The following MED13 variants were observed in gnomAD, a reference collection of about 807,000 sequenced individuals.
MED13 encodes the protein mediator complex subunit 13.
In MED13, 23 loss-of-function variants were observed where a neutral mutation model predicts 225.2. The ratio of observed to expected loss-of-function variants is 0.10; its 90% confidence interval spans 0.07 to 0.14. The LOEUF is 0.14. Among genes scored for constraint, MED13 ranks in the 10% least tolerant of loss-of-function variants. The pLI, the probability that MED13 is intolerant of heterozygous loss-of-function variation, is 1.00. For synonymous variants in MED13, 942 were observed against 889.2 expected, an observed-to-expected ratio of 1.06 and a Z score of -1.06; for missense variants, 2,197 against 2,594.5, an observed-to-expected ratio of 0.85 and a Z score of 3.33.
chr17:61,986,126 G>C (rs573695286), intron 12 of MED13, among the ~76,000 whole-genome samples: 1 of 152,280 alleles, frequency 6.6e-6, no homozygotes, highest in Non-Finnish European at 1.5e-5. Context: ...TGGTAGTAGA[G>C]AGAAAGTATG....
At chr17:61,979,575 T>A (rs1031986347) in intron 16 of MED13, among the ~76,000 whole-genome samples, 7 of 152,124 alleles carry the variant, frequency 4.6e-5, no homozygotes, top group African/African-American at 1.7e-4. Flanking sequence ...TCCCAAATGC[T>A]GGGATTACAG....
intron 9 of MED13, 34 bp from the exon 10 acceptor site, chr17:61,995,399 A>G (rs1437381288): frequency 2.0e-6 from 3 of 1,486,818 alleles, no homozygotes; most frequent in Non-Finnish European, 2.7e-6. Flanking sequence ...TTAATTATCC[A>G]CATAAGCATT....
chr17:61,992,638 C>T lies in MED13; in HGVS notation c.2182-17G>A. 1 of 1,541,838 alleles carries T rather than the reference C, an allele frequency of 6.5e-7. No homozygotes were observed. The highest frequency in any genetic ancestry group is 9.0e-7 in the Non-Finnish European group (1 of 1,116,664). ...ATCTTCTACCTGCAAACAAATATTT[C>T]ATGTTAGGCTGAAATATATAATTTA... On this transcript the variant is annotated splice_polypyrimidine_tract_variant and intron_variant, in intron 10 of 29. Transcript: ENST00000397786.
At chr17:62,064,785 G>A (rs778418468) in intron 1 of MED13, among the ~76,000 whole-genome samples, 4 of 152,196 alleles carry the variant, frequency 2.6e-5, no homozygotes, top group Non-Finnish European at 5.9e-5. Flanking sequence ...ATAATGTAAA[G>A]TGTGAAGCAG....
chr17:62,033,729 ATAAC>A, intron 5 of MED13, 54 bp downstream of exon 5: 2 of 1,512,158 alleles, frequency 1.3e-6, no homozygotes, highest in African/African-American at 1.4e-5. Context: ...TCAGCAAAAT[ATAAC>A]TAACACATAC....
In MED13 at chr17:61,944,289, T is replaced by A. The variant is rs2059012624; in HGVS notation, c.*2179A>T. The A allele has an allele frequency of 6.6e-6, 1 of 152,470 alleles. No individual in the cohort carries two copies. The highest frequency in any genetic ancestry group is 1.5e-5 in the Non-Finnish European group (1 of 67,976). The allele number at this position is 152,470 out of a possible 1,614,324, so 9.4% of individuals were successfully genotyped here. On this transcript the variant is annotated 3_prime_UTR_variant, in exon 30 of 30. Coordinates refer to ENST00000397786, the MANE Select transcript of MED13 (RefSeq NM_005121.3). Reference sequence around the variant, plus strand: ...AACTGAGAATATAACTTTTATTTTGTAAAGTCACTATTAAGTGTATAAAAA... The same window carrying A: ...AACTGAGAATATAACTTTTATTTTGAAAAGTCACTATTAAGTGTATAAAAA...
At chr17:62,024,305 A>C (rs2080678646) in intron 8 of MED13, among the ~76,000 whole-genome samples, 1 of 152,266 alleles carries the variant, frequency 6.6e-6, no homozygotes, top group Admixed American at 6.5e-5. Flanking sequence ...GGCATAAGCC[A>C]CTGCGCCTGG....
chr17:62,021,978 C>A (rs967752900), intron 8 of MED13, among the ~76,000 whole-genome samples: 2 of 151,884 alleles, frequency 1.3e-5, no homozygotes, highest in Admixed American at 6.6e-5. Flanking sequence ...ACCAGCCTGA[C>A]CAACATGGTA....
chr17:61,982,079 G>T, intron 16 of MED13, 119 bp downstream of exon 16: 1 of 928,350 alleles, frequency 1.1e-6, no homozygotes, highest in African/African-American at 1.7e-5. Context: ...TCCATAAAGA[G>T]TTTTAAGTCC....
At chr17:61,956,830 G>A (rs539642543) in intron 23 of MED13, among the ~76,000 whole-genome samples, 55 of 152,202 alleles carry the variant, frequency 3.6e-4, no homozygotes, top group Admixed American at 1.2e-3. Context: ...GAGCCACCGT[G>A]CCATCCCGAC....
At chr17:62,009,740 C>A (rs1409889909) in intron 9 of MED13, among the ~76,000 whole-genome samples, 1 of 152,032 alleles carries the variant, frequency 6.6e-6, no homozygotes, top group Non-Finnish European at 1.5e-5. Flanking sequence ...TAAAAAAATT[C>A]TTATACAAGT....
chr17:62,029,332 C>G (rs2080732244), intron 8 of MED13: 4 of 537,280 alleles, frequency 7.4e-6, no homozygotes, highest in Non-Finnish European at 1.3e-5. Context: ...CAGAGTCTGC[C>G]TCTGGTAACA....
intron 11 of MED13, among the ~76,000 whole-genome samples, chr17:61,987,909 A>ATT (rs531748116): frequency 6.9e-6 from 1 of 145,038 alleles, no homozygotes; most frequent in Non-Finnish European, 1.5e-5. Context: ...TGCCCAGTTA[A>ATT]TTTTTTTTTT....
intron 2 of MED13, among the ~76,000 whole-genome samples, chr17:62,057,511 G>A (rs368788826): frequency 1.3e-5 from 2 of 152,184 alleles, no homozygotes; most frequent in African/African-American, 4.8e-5. Flanking sequence ...TACAATAGTA[G>A]AAATAAATTA....
At chr17:62,048,754 GCAGGTGGGTGA>G (rs1184576701) in intron 3 of MED13, among the ~76,000 whole-genome samples, 2 of 152,010 alleles carry the variant, frequency 1.3e-5, no homozygotes, top group East Asian at 1.9e-4. Context: ...ACAAATACTG[GCAGGTGGGTGA>G]CAGGCACCCA....
At position 61,965,243 on chromosome 17, in the gene MED13, G is replaced by A. The variant is rs751194560; in HGVS notation, c.4607C>T (p.Ala1536Val). 43 of 1,613,896 alleles carry A rather than the reference G, an allele frequency of 2.7e-5. No homozygotes were observed. Among genetic ancestry groups the A allele is most frequent in the Non-Finnish European group, 3.6e-5 (43 of 1,179,866 alleles). Residue 1536 changes from alanine (A) to valine (V), a missense_variant, in exon 20 of 30, where the codon GCT becomes GTT. Physicochemically the swap from Ala to Val is moderately conservative, Grantham distance 64. Transcript: ENST00000397786. ...VATANSTLTT[A>V]STSSSSSSNL... ...GGAGGATGATGAAGATGAAGTTGAA[G>A]CTGTGGTCAAAGTTGAATTAGCTGT...
At chr17:62,042,896 TC>T (rs773707434) in intron 3 of MED13, among the ~76,000 whole-genome samples, 8 of 151,866 alleles carry the variant, frequency 5.3e-5, no homozygotes, top group Non-Finnish European at 1.2e-4. Context: ...ACACCTGTAA[TC>T]CCAGTACTTT....
At chr17:61,958,162 CTGG>C (rs2079965677) in intron 23 of MED13, among the ~76,000 whole-genome samples, 1 of 151,934 alleles carries the variant, frequency 6.6e-6, no homozygotes. Context: ...CCGCGCCCAG[CTGG>C]CTATTACTTA....
At position 61,962,816 on chromosome 17, in the gene MED13, A is replaced by G; in HGVS notation, c.5000T>C (p.Leu1667Pro). ...NSSSVWTLGL[L>P]RCFLEMVQTL... Reference sequence around the variant, plus strand: ...CTGGACCATTTCTAGAAAGCATCGAAGTAGCCCCAATGTCCACACACTAGA... The same window carrying G: ...CTGGACCATTTCTAGAAAGCATCGAGGTAGCCCCAATGTCCACACACTAGA... The change falls in exon 21 of 30, where the codon CTT (leucine) becomes CCT (proline). Residue 1667 changes from leucine to proline, a missense_variant. Transcript: ENST00000397786. The G allele has an allele frequency of 6.2e-7, 1 of 1,614,198 alleles. No individual in the cohort carries two copies.
Sources: allele counts gnomAD v4.1 joint callset (sites outside exome capture counted in the v4.1 genomes callset), GRCh38; gene constraint gnomAD v4.1.1; transcripts MANE v1.5; gene names NCBI Gene and HGNC (gene_info 2026-07-23, HGNC 2026-07-21).